RBFOX3: variants seen among roughly 807,000 people sequenced by gnomAD.
The protein encoded by RBFOX3 is RNA binding fox-1 homolog 3.
RBFOX3 carries 17 observed loss-of-function variants against 48.7 expected under a neutral mutation model. That is an observed-to-expected ratio of 0.35 (90% CI 0.24 to 0.52). The LOEUF (loss-of-function observed/expected upper bound fraction) is 0.52. RBFOX3 is among the 20% of genes least tolerant of loss of function. The pLI is 0.94. For missense variants in RBFOX3, 382 were observed against 497.5 expected, an observed-to-expected ratio of 0.77 and a Z score of 2.21; for synonymous variants, 212 against 209.5, an observed-to-expected ratio of 1.01 and a Z score of -0.10.
At chr17:79,262,213 G>A (rs956172016) in intron 3 of RBFOX3, among the ~76,000 whole-genome samples, 1 of 152,148 alleles carries the variant, frequency 6.6e-6, no homozygotes, top group Non-Finnish European at 1.5e-5. Context: ...CCCGAGATGC[G>A]GCGGTTCTGA....
At chr17:79,460,262 T>C (rs782225307) in intron 2 of RBFOX3, among the ~76,000 whole-genome samples, 1 of 152,164 alleles carries the variant, frequency 6.6e-6, no homozygotes, top group Non-Finnish European at 1.5e-5. Flanking sequence ...TTATGTTATG[T>C]ACAATTTTAC....
At chr17:79,606,190 A>G (rs2093826350) in intron 1 of RBFOX3, among the ~76,000 whole-genome samples, 1 of 152,232 alleles carries the variant, frequency 6.6e-6, no homozygotes, top group African/African-American at 2.4e-5. Context: ...TGACCAGAAC[A>G]GTCAAGGCCC....
At chr17:79,638,959 C>A in the RBFOX3 span, among the ~76,000 whole-genome samples, 1 of 151,956 alleles carries the variant, frequency 6.6e-6, no homozygotes, top group African/African-American at 2.4e-5. Flanking sequence ...TATTTTATAG[C>A]AAGACAAAAT....
intron 2 of RBFOX3, among the ~76,000 whole-genome samples, chr17:79,315,151 C>T (rs11871435): frequency 0.17 from 25,685 of 152,148 alleles, 3,856 homozygotes; most frequent in African/African-American, 0.41. Flanking sequence ...TAGAATCTCA[C>T]CGGCTGGTGG....
Position 79,364,168 on chromosome 17 carries a change from C to T in RBFOX3, c.-174-56344G>A, listed in dbSNP as rs1033765963. Among the ~76,000 whole-genome samples, 4 of 152,252 alleles carry T rather than the reference C, an allele frequency of 2.6e-5. No individual in the cohort carries two copies. The highest frequency in any genetic ancestry group is 9.6e-5 in the African/African-American group (4 of 41,470). ...AGCCCCATGCCCAGAAGGCAGGCTC[C>T]GTGGGAACTGGTGTTCAGCCTTCCT... On this transcript the variant is annotated intron_variant, in intron 2 of 14. Transcript: ENST00000693108. This position sits in a 1 kb window ranked among gnomAD's most constrained non-coding sequence, Gnocchi z 5.1.
intron 4 of RBFOX3, among the ~76,000 whole-genome samples, chr17:79,141,844 C>A (rs934135122): frequency 1.1e-4 from 17 of 152,312 alleles, no homozygotes; most frequent in Admixed American, 1.0e-3. Context: ...CGAAAGTGAG[C>A]GTTATCTATA....
chr17:79,331,621 G>A (rs1230177518), intron 2 of RBFOX3, among the ~76,000 whole-genome samples: 1 of 152,174 alleles, frequency 6.6e-6, no homozygotes, highest in African/African-American at 2.4e-5. Flanking sequence ...ATTGAAGACG[G>A]CACTCCCAGA....
chr17:79,413,333 G>A lies in RBFOX3; in HGVS notation c.-175+69121C>T, dbSNP rs1436561542. Among the ~76,000 whole-genome samples, 3 of 152,364 alleles carry A rather than the reference G, an allele frequency of 2.0e-5. No homozygotes were observed. The East Asian group carries it at 5.8e-4, about 29-fold the overall frequency. ...AATTATCCCAAAGGCAGGATGTGGA[G>A]TCTCTGAGTGGAAGAATGACCATTC... On this transcript the variant is annotated intron_variant, in intron 2 of 14. Transcript: ENST00000693108.
intron 2 of RBFOX3, among the ~76,000 whole-genome samples, chr17:79,402,848 A>G (rs1242823099): frequency 6.6e-6 from 1 of 151,956 alleles, no homozygotes; most frequent in Non-Finnish European, 1.5e-5. Flanking sequence ...CATCTCTACT[A>G]TGGGGGTGTG....
At chr17:79,550,791 G>A (rs999527926) in intron 1 of RBFOX3, among the ~76,000 whole-genome samples, 1 of 151,492 alleles carries the variant, frequency 6.6e-6, no homozygotes, top group African/African-American at 2.4e-5. Context: ...GTGGATGGAT[G>A]GATGGTCAGT....
At chr17:79,352,032 G>T (rs747325024) in intron 2 of RBFOX3, among the ~76,000 whole-genome samples, 4 of 152,086 alleles carry the variant, frequency 2.6e-5, no homozygotes, top group Non-Finnish European at 5.9e-5. Context: ...CATTCCTGGT[G>T]GAGCAAGCAT....
chr17:79,626,406 C>T, the RBFOX3 span, among the ~76,000 whole-genome samples: 27 of 152,334 alleles, frequency 1.8e-4, no homozygotes, highest in African/African-American at 5.3e-4. Context: ...CAGCGGGCCA[C>T]GCCAGTAAGC....
intron 2 of RBFOX3, among the ~76,000 whole-genome samples, chr17:79,368,511 G>T (rs544514259): frequency 1.3e-5 from 2 of 152,224 alleles, no homozygotes; most frequent in African/African-American, 4.8e-5. Context: ...GGGTTCCACC[G>T]GTTCCCCGCA....
intron 1 of RBFOX3, among the ~76,000 whole-genome samples, chr17:79,582,430 A>G (rs1207190083): frequency 6.6e-6 from 1 of 152,142 alleles, no homozygotes; most frequent in Admixed American, 6.5e-5. Flanking sequence ...CCACCTCCCC[A>G]CAGCCTCTCT....
rs58744316 is a variant in RBFOX3, at chr17:79,371,460, G to A, written c.-174-63636C>T. The stretch of plus-strand genomic sequence containing the variant: ...GCAAGAGCTCCCTGGCTGCAGAGTG[G>A]CCCTTGTTGCTGGGCTCCATAGACC... On this transcript the variant is annotated intron_variant, in intron 2 of 14. Transcript: ENST00000693108. Among the ~76,000 whole-genome samples the A allele has an allele frequency of 5.3e-5, 8 of 152,284 alleles. No individual in the cohort carries two copies. In the East Asian group the frequency reaches 1.2e-3, roughly 22 times the overall value.
intron 2 of RBFOX3, among the ~76,000 whole-genome samples, chr17:79,324,717 G>A (rs1568043505): frequency 6.6e-6 from 1 of 152,210 alleles, no homozygotes. Context: ...ATAGGGGAGA[G>A]CAGGCAGCCT....
intron 3 of RBFOX3, among the ~76,000 whole-genome samples, chr17:79,284,741 T>C (rs2071459328): frequency 6.6e-6 from 1 of 152,128 alleles, no homozygotes; most frequent in South Asian, 2.1e-4. Context: ...GATTTCACTA[T>C]GTTGTCCAGG....
chr17:79,479,539 A>T lies in RBFOX3; in HGVS notation c.-175+2915T>A, dbSNP rs777160014. ...CTGAAAGGCAGATTCCTCACTTCAC[A>T]ATTCAGAGCACACCTTTGGAATCAA... On this transcript the variant is annotated intron_variant, in intron 2 of 14. Transcript: ENST00000693108. This position sits in a 1 kb window ranked among gnomAD's most constrained non-coding sequence, Gnocchi z 5.1. Among the ~76,000 whole-genome samples, 370 of 152,280 alleles carry T rather than the reference A, an allele frequency of 2.4e-3. 2 individuals carry two copies. The highest frequency in any genetic ancestry group is 5.0e-3 in the Admixed American group (77 of 15,306).
intron 2 of RBFOX3, among the ~76,000 whole-genome samples, chr17:79,387,894 G>A (rs79144993): frequency 0.16 from 24,778 of 152,150 alleles, 2,123 homozygotes; most frequent in Non-Finnish European, 0.18. Context: ...ATGTGCAAGA[G>A]TGTGTGATTG....
Sources: allele counts gnomAD v4.1 joint callset (sites outside exome capture counted in the v4.1 genomes callset), GRCh38; gene constraint gnomAD v4.1.1; non-coding constraint Gnocchi (gnomAD v3.1); transcripts MANE v1.5; gene names NCBI Gene and HGNC (gene_info 2026-07-23, HGNC 2026-07-21).